The following CCR3 variants were observed in gnomAD, a reference collection of about 807,000 sequenced individuals.
The protein encoded by CCR3 is C-C chemokine receptor type 3.
For missense variants in CCR3, 419 were observed against 437.5 expected, an observed-to-expected ratio of 0.96 and a Z score of 0.38; for synonymous variants, 203 against 179.2, an observed-to-expected ratio of 1.13 and a Z score of -1.06.
In CCR3 at chr3:46,258,690, A is replaced by C. The variant is rs149170464; in HGVS notation, c.-11-6458A>C. ...TAAGTTATTTTGATGACTCTTATTC[A>C]TATAGTTTTGGTTTTCAATCCTCAC... On this transcript the variant is annotated intron_variant, in intron 1 of 1. Coordinates refer to ENST00000395940, the MANE Select transcript of CCR3 (RefSeq NM_178329.3). Among the ~76,000 whole-genome samples, 283 of 152,258 alleles carry C rather than the reference A, an allele frequency of 1.9e-3. 2 individuals are homozygous for C. The highest frequency in any genetic ancestry group is 6.4e-3 in the African/African-American group (267 of 41,548).
chr3:46,259,372 T>G (rs75994669), intron 1 of CCR3, among the ~76,000 whole-genome samples: 14,513 of 152,220 alleles, frequency 0.095, 953 homozygotes, highest in Non-Finnish European at 0.14. Context: ...ATAATGCAGT[T>G]GAAGAAGAAA....
chr3:46,258,232 T>C (rs973216421), intron 1 of CCR3, among the ~76,000 whole-genome samples: 3 of 152,352 alleles, frequency 2.0e-5, no homozygotes, highest in African/African-American at 7.2e-5. Flanking sequence ...CTTTGTCAAG[T>C]TGACATGCAT....
intron 2 of CCR3, among the ~76,000 whole-genome samples, chr3:46,216,052 T>C (rs1354781619): frequency 6.6e-6 from 1 of 152,110 alleles, no homozygotes; most frequent in Non-Finnish European, 1.5e-5. Context: ...GGAGGGGAAA[T>C]TGGGTCCCAC....
At chr3:46,243,002 T>TATATATATACAC (rs56773457) in intron 1 of CCR3, among the ~76,000 whole-genome samples, 36 of 123,718 alleles carry the variant, frequency 2.9e-4, no homozygotes, top group South Asian at 5.1e-4. Flanking sequence ...TATATATATA[T>TATATATATACAC]ACGCACACAC....
chr3:46,249,805 G>A (rs1432150470), intron 1 of CCR3, among the ~76,000 whole-genome samples: 5 of 152,126 alleles, frequency 3.3e-5, no homozygotes, highest in African/African-American at 7.2e-5. Flanking sequence ...CGGTTCAGGT[G>A]TTTGGAAGTT....
intron 1 of CCR3, among the ~76,000 whole-genome samples, chr3:46,251,531 T>C (rs1386921084): frequency 6.6e-6 from 1 of 152,096 alleles, no homozygotes; most frequent in Non-Finnish European, 1.5e-5. Flanking sequence ...TGGATCTTTC[T>C]CACGGAGCAA....
At chr3:46,231,420 T>C (rs1296524893) in intron 2 of CCR3, among the ~76,000 whole-genome samples, 5 of 152,200 alleles carry the variant, frequency 3.3e-5, no homozygotes, top group African/African-American at 1.2e-4. Flanking sequence ...CTTCCCACAA[T>C]AAGAAATATT....
intron 1 of CCR3, among the ~76,000 whole-genome samples, chr3:46,262,047 C>A (rs1157992432): frequency 6.6e-6 from 1 of 152,178 alleles, no homozygotes; most frequent in Non-Finnish European, 1.5e-5. Context: ...ACAGGAACAC[C>A]CCCTTCCCAC....
At chr3:46,250,068 G>A (rs937667654) in intron 1 of CCR3, among the ~76,000 whole-genome samples, 16 of 152,026 alleles carry the variant, frequency 1.1e-4, no homozygotes, top group Admixed American at 2.0e-4. Context: ...GGTTGCTGCC[G>A]AATGAGCCAT....
intron 2 of CCR3, among the ~76,000 whole-genome samples, chr3:46,211,398 T>TATATA (rs1491504808): frequency 7.9e-6 from 1 of 125,842 alleles, no homozygotes; most frequent in Admixed American, 7.5e-5. Context: ...TATATATATA[T>TATATA]TTTTTGTAGA....
chr3:46,214,935 G>A (rs894983420), intron 2 of CCR3, among the ~76,000 whole-genome samples: 2 of 152,154 alleles, frequency 1.3e-5, no homozygotes, highest in African/African-American at 4.8e-5. Context: ...TTCTGGGGTG[G>A]TTCCTGCTGG....
Position 46,265,747 on chromosome 3 carries a change from C to T in CCR3, c.589C>T (p.His197Tyr). The change falls in exon 2 of 2, where the codon CAT (histidine) becomes TAT (tyrosine). Residue 197 changes from histidine (H) to tyrosine (Y), a missense_variant. Physicochemically the swap from His to Tyr is moderately conservative, Grantham distance 83 (BLOSUM62 2). Coordinates refer to ENST00000395940, the MANE Select transcript of CCR3 (RefSeq NM_178329.3). ...YPEDTVYSWRHFHTLRMTIFC... is the reference protein window; with the variant it reads ...YPEDTVYSWRYFHTLRMTIFC... Reference sequence around the variant, plus strand: ...AGAGGATACAGTATATAGCTGGAGGCATTTCCACACTCTGAGAATGACCAT... The same window carrying T: ...AGAGGATACAGTATATAGCTGGAGGTATTTCCACACTCTGAGAATGACCAT... 1 of 1,613,768 alleles carries T rather than the reference C, an allele frequency of 6.2e-7. No homozygotes were observed. The highest frequency in any genetic ancestry group is 8.5e-7 in the Non-Finnish European group (1 of 1,179,940).
At chr3:46,238,654 A>C (rs1267610686), upstream of CCR3, among the ~76,000 whole-genome samples, 1 of 152,210 alleles carries the variant, frequency 6.6e-6, no homozygotes, top group Non-Finnish European at 1.5e-5. Context: ...TCAAGTCCCT[A>C]GCTTGAGTTC....
At chr3:46,264,007 T>G (rs994228302) in intron 1 of CCR3, 1 of 181,436 alleles carries the variant, frequency 5.5e-6, no homozygotes, top group Non-Finnish European at 1.1e-5. Context: ...AAGGAGAAAG[T>G]CAGTTGGATG....
intron 2 of CCR3, among the ~76,000 whole-genome samples, chr3:46,235,013 C>G (rs1023011273): frequency 6.6e-6 from 1 of 152,218 alleles, no homozygotes; most frequent in Non-Finnish European, 1.5e-5. Context: ...TCTGGCTTCT[C>G]TCCACCCCTC....
At chr3:46,243,078 G>T (rs1433060787) in intron 1 of CCR3, among the ~76,000 whole-genome samples, 1 of 148,712 alleles carries the variant, frequency 6.7e-6, no homozygotes, top group Non-Finnish European at 1.5e-5. Context: ...CAGGACCCTT[G>T]CAGATACCAA....
upstream of CCR3, among the ~76,000 whole-genome samples, chr3:46,237,600 A>G (rs1053620801): frequency 6.6e-6 from 1 of 150,876 alleles, no homozygotes; most frequent in African/African-American, 2.5e-5. Flanking sequence ...ATCCATTATA[A>G]GTATATTTTT....
At chr3:46,222,265 G>A (rs760634495) in intron 2 of CCR3, among the ~76,000 whole-genome samples, 3 of 152,192 alleles carry the variant, frequency 2.0e-5, no homozygotes, top group Non-Finnish European at 2.9e-5. Context: ...CATGGTGGAG[G>A]TGGGGAGATG....
chr3:46,236,078 G>T (rs1700021169), intron 2 of CCR3, among the ~76,000 whole-genome samples: 1 of 152,168 alleles, frequency 6.6e-6, no homozygotes, highest in African/African-American at 2.4e-5. Flanking sequence ...TATGATGTAT[G>T]GTTTGCAATA....
Sources: gnomAD v4.1 joint callset for allele counts (sites outside exome capture counted in the v4.1 genomes callset) on GRCh38, gnomAD v4.1.1 for gene constraint, MANE v1.5 for transcripts, NCBI Gene and HGNC (gene_info 2026-07-23, HGNC 2026-07-21) for gene names.